The following ANK2 variants were observed in gnomAD, a reference collection of about 807,000 sequenced individuals.
ANK2 encodes ankyrin-2.
ANK2 carries 83 observed loss-of-function variants against 360.5 expected under a neutral mutation model. The ratio of observed to expected loss-of-function variants is 0.23; its 90% confidence interval spans 0.19 to 0.28. The LOEUF (loss-of-function observed/expected upper bound fraction) is 0.28. Among genes scored for constraint, ANK2 ranks in the 10% least tolerant of loss-of-function variants. The pLI, the probability that ANK2 is intolerant of heterozygous loss-of-function variation, is 1.00. For missense variants in ANK2, 4,201 were observed against 4,795.7 expected, an observed-to-expected ratio of 0.88 and a Z score of 3.66; for synonymous variants, 1,740 against 1,759.5, an observed-to-expected ratio of 0.99 and a Z score of 0.28.
the ANK2 span, among the ~76,000 whole-genome samples, chr4:112,720,282 C>G: frequency 6.6e-6 from 1 of 152,194 alleles, no homozygotes; most frequent in Non-Finnish European, 1.5e-5. Flanking sequence ...GTACTTTCAT[C>G]TGACTTCCAT....
At chr4:113,120,008 G>A (rs1004271476) in intron 1 of ANK2, among the ~76,000 whole-genome samples, 61 of 152,138 alleles carry the variant, frequency 4.0e-4, no homozygotes, top group African/African-American at 1.4e-3. Flanking sequence ...GTTGCCAGTG[G>A]TGTTGTATTA....
chr4:112,763,426 G>A, the ANK2 span, among the ~76,000 whole-genome samples: 23 of 151,798 alleles, frequency 1.5e-4, no homozygotes, highest in Non-Finnish European at 3.1e-4. Context: ...TAGATACGGG[G>A]TTTCACCGTG....
chr4:113,286,832 A>G (rs2064861530), intron 18 of ANK2, among the ~76,000 whole-genome samples: 1 of 152,228 alleles, frequency 6.6e-6, no homozygotes, highest in Non-Finnish European at 1.5e-5. Flanking sequence ...TGCCTAGAAT[A>G]TGAACACTTC....
At chr4:113,184,584 C>A (rs562591903) in intron 2 of ANK2, among the ~76,000 whole-genome samples, 1 of 152,230 alleles carries the variant, frequency 6.6e-6, no homozygotes, top group African/African-American at 2.4e-5. Context: ...GCCATTCCTG[C>A]CTAGTCATTT....
At chr4:113,336,531 A>G (rs2093561995) in intron 30 of ANK2, 46 bp from the exon 31 acceptor site, 1 of 1,453,028 alleles carries the variant, frequency 6.9e-7, no homozygotes, top group Admixed American at 2.0e-5. Context: ...TCTTTATTTT[A>G]AAATATATAC....
chr4:112,902,016 A>G (rs1374865177), intron 1 of ANK2, among the ~76,000 whole-genome samples: 1 of 152,212 alleles, frequency 6.6e-6, no homozygotes. Context: ...AGCTAAGCAC[A>G]AGACACTGCA....
chr4:113,301,034 G>T (rs193024502), intron 22 of ANK2, among the ~76,000 whole-genome samples: 10 of 152,240 alleles, frequency 6.6e-5, no homozygotes, highest in Non-Finnish European at 1.3e-4. Context: ...ATTGATGATA[G>T]GTTCATTATA....
chr4:113,297,843 G>A (rs2072688447), intron 22 of ANK2, among the ~76,000 whole-genome samples: 1 of 151,776 alleles, frequency 6.6e-6, no homozygotes, highest in Admixed American at 6.6e-5. Context: ...GAAGTGTAGT[G>A]GTACTATCAC....
the ANK2 span, among the ~76,000 whole-genome samples, chr4:112,708,418 A>G: frequency 2.6e-5 from 4 of 152,332 alleles, no homozygotes; most frequent in Middle Eastern, 0.01. Flanking sequence ...TGACAAATCT[A>G]TTGGTCATAC....
At chr4:112,708,522 C>T in the ANK2 span, among the ~76,000 whole-genome samples, 3 of 152,082 alleles carry the variant, frequency 2.0e-5, no homozygotes, top group Non-Finnish European at 2.9e-5. Flanking sequence ...TATTTAACTA[C>T]TAATTTCAAT....
the ANK2 span, among the ~76,000 whole-genome samples, chr4:112,807,787 T>C: frequency 6.6e-6 from 1 of 152,318 alleles, no homozygotes; most frequent in South Asian, 2.1e-4. Context: ...AGAAACAGCA[T>C]TTGGTTGCTT....
At chr4:113,170,517 G>A (rs1185580676) in intron 1 of ANK2, among the ~76,000 whole-genome samples, 1 of 152,070 alleles carries the variant, frequency 6.6e-6, no homozygotes, top group African/African-American at 2.4e-5. Flanking sequence ...TCACATATAG[G>A]GTAGCCATGT....
intron 23 of ANK2, among the ~76,000 whole-genome samples, chr4:113,304,159 C>G (rs2076213036): frequency 6.6e-6 from 1 of 152,168 alleles, no homozygotes; most frequent in Non-Finnish European, 1.5e-5. Flanking sequence ...CTCAGCATTC[C>G]TATATGCATA....
chr4:113,358,461 G>C lies in ANK2; in HGVS notation c.9843G>C (p.Gln3281His). The part of the protein sequence containing the change: ...DDSPDSSPEE[Q>H]KSVIEIPTAP... ...CTCCCGATTCTTCCCCAGAAGAACA[G>C]AAATCAGTAATCGAGATTCCTACTG... Residue 3281 changes from glutamine to histidine, a missense_variant, in exon 38 of 46, where the codon CAG becomes CAC. This residue lies in a region of ANK2 where 2,642 missense variants were observed against 2,714.5 expected (regional missense o/e 0.97). Coordinates refer to ENST00000357077, the MANE Select transcript of ANK2 (RefSeq NM_001148.6). 6.2e-7 allele frequency: 1 copy of C among 1,614,094 alleles called. No homozygotes were observed. Among genetic ancestry groups the C allele is most frequent in the Non-Finnish European group, 8.5e-7 (1 of 1,179,956 alleles).
intron 1 of ANK2, among the ~76,000 whole-genome samples, chr4:112,885,733 C>T (rs1417128066): frequency 7.9e-6 from 1 of 126,398 alleles, no homozygotes; most frequent in African/African-American, 3.1e-5. Context: ...GGAGACAGAG[C>T]TTGCAGTGAG....
chr4:112,860,005 A>G (rs2067477230), intron 1 of ANK2, among the ~76,000 whole-genome samples: 1 of 152,174 alleles, frequency 6.6e-6, no homozygotes, highest in African/African-American at 2.4e-5. Flanking sequence ...TGTTGCGTCA[A>G]TTGGATGGTA....
At chr4:113,293,061 A>G (rs1437422361) in intron 21 of ANK2, 1 of 373,384 alleles carries the variant, frequency 2.7e-6, no homozygotes, top group Non-Finnish European at 5.2e-6. Context: ...TACCTGCAGC[A>G]GATGGCCTGA....
chr4:113,292,324 T>C lies in ANK2; in HGVS notation c.2278-92T>C. 4 of 1,152,790 alleles carry C rather than the reference T, an allele frequency of 3.5e-6. No homozygotes were observed. The East Asian group carries it at 7.7e-5, about 22-fold the overall frequency. 71.4% of individuals were successfully genotyped at this position (1,152,790 alleles called of 1,614,324 possible). A position where few individuals can be genotyped will look rare whatever the true frequency, so the allele number is the denominator to read the frequency against. On this transcript the variant is annotated intron_variant, in intron 20 of 45. Coordinates refer to ENST00000357077, the MANE Select transcript of ANK2 (RefSeq NM_001148.6). ...AAATAAAGCATCTGTGATGGTTTTG[T>C]TGTAAATAAGACTATTCAAAATGAA...
intron 32 of ANK2, 46 bp downstream of exon 32, chr4:113,339,368 C>A: frequency 6.8e-7 from 1 of 1,463,752 alleles, no homozygotes; most frequent in Non-Finnish European, 9.6e-7. Flanking sequence ...ATGTTACCCT[C>A]CAAAAAAACT....
Sources: allele counts gnomAD v4.1 joint callset (sites outside exome capture counted in the v4.1 genomes callset), GRCh38; gene constraint gnomAD v4.1.1; regional missense constraint gnomAD v4.1.1; transcripts MANE v1.5; gene names NCBI Gene and HGNC (gene_info 2026-07-23, HGNC 2026-07-21).